Variants in UBE3C observed in about 807,000 individuals in gnomAD.
The protein encoded by UBE3C is ubiquitin protein ligase E3C.
Under a neutral mutation model 129.4 loss-of-function variants are expected in UBE3C, and 42 were observed. The ratio of observed to expected loss-of-function variants is 0.32; its 90% confidence interval spans 0.25 to 0.42. The LOEUF is 0.42. Ranked by LOEUF, UBE3C falls within the 10% of genes least tolerant of loss-of-function variation. The probability of loss-of-function intolerance (pLI) is 1.00; values close to 1 mark genes in which losing one functional copy is unlikely to be tolerated. For missense variants in UBE3C, 1,049 were observed against 1,319.1 expected, an observed-to-expected ratio of 0.80 and a Z score of 3.17; for synonymous variants, 510 against 492.4, an observed-to-expected ratio of 1.04 and a Z score of -0.47.
chr7:157,210,887 T>C (rs1809571040), intron 13 of UBE3C, among the ~76,000 whole-genome samples: 1 of 152,200 alleles, frequency 6.6e-6, no homozygotes, highest in African/African-American at 2.4e-5. Context: ...TTTAAGTGGA[T>C]AGAGTCATCT....
intron 1 of UBE3C, among the ~76,000 whole-genome samples, chr7:157,143,454 C>G (rs889794866): frequency 1.3e-5 from 2 of 152,178 alleles, no homozygotes; most frequent in Non-Finnish European, 2.9e-5. Context: ...AGTTGCTTGT[C>G]TTTCTCCAGG....
intron 13 of UBE3C, among the ~76,000 whole-genome samples, chr7:157,209,640 A>T (rs945039074): frequency 1.3e-5 from 2 of 152,216 alleles, no homozygotes; most frequent in Non-Finnish European, 1.5e-5. Flanking sequence ...CATGATGTGC[A>T]ATATCAGGTG....
intron 18 of UBE3C, among the ~76,000 whole-genome samples, chr7:157,246,232 A>G (rs1484977810): frequency 1.3e-5 from 2 of 150,600 alleles, no homozygotes; most frequent in South Asian, 4.2e-4. Flanking sequence ...TTTATAGACT[A>G]CACATACGAA....
At chr7:157,147,520 C>G (rs1159033164) in intron 1 of UBE3C, among the ~76,000 whole-genome samples, 1 of 151,326 alleles carries the variant, frequency 6.6e-6, no homozygotes, top group African/African-American at 2.4e-5. Flanking sequence ...CCTTTTTTTT[C>G]TTTTTTCTTT....
At chr7:157,231,496 T>G in intron 18 of UBE3C, 169 bp downstream of exon 18, 1 of 948,574 alleles carries the variant, frequency 1.1e-6, no homozygotes, top group Non-Finnish European at 1.5e-6. Context: ...TGTAAGTAGG[T>G]GCTATGGTTT....
Position 157,189,136 on chromosome 7 carries a change from CTCATGAAAGTGAACACTCGTGTCTGAATA to C in UBE3C, c.1331+2117_1331+2145del, listed in dbSNP as rs1161702485. ...GAAACTTGGAAGCATATACAAGAAA[CTCATGAAAGTGAACACTCGTGTCTGAATA>C]TGCCGAGGAAGCTGGGGCTGGAGCA... On this transcript the variant is annotated intron_variant, in intron 10 of 22. Coordinates refer to ENST00000348165, the MANE Select transcript of UBE3C (RefSeq NM_014671.3). 266 of 403,166 alleles carry C rather than the reference CTCATGAAAGTGAACACTCGTGTCTGAATA, an allele frequency of 6.6e-4. 2 individuals are homozygous for C. The highest frequency in any genetic ancestry group is 7.5e-5 in the Non-Finnish European group (17 of 227,362). The allele number at this position is 403,166 out of a possible 1,614,324, so 25.0% of individuals were successfully genotyped here.
chr7:157,208,891 G>A (rs1809513093), intron 13 of UBE3C, among the ~76,000 whole-genome samples: 1 of 152,236 alleles, frequency 6.6e-6, no homozygotes, highest in South Asian at 2.1e-4. Flanking sequence ...AGTGAGAGCA[G>A]AAGAAATGCA....
intron 3 of UBE3C, 43 bp downstream of exon 3, chr7:157,169,165 A>G (rs1808298302): frequency 1.1e-5 from 17 of 1,505,640 alleles, no homozygotes; most frequent in Non-Finnish European, 1.5e-5. Flanking sequence ...GGCATGGGAG[A>G]GCTTATTTTA....
chr7:157,154,652 C>G (rs1407672189), intron 1 of UBE3C, among the ~76,000 whole-genome samples: 5 of 152,076 alleles, frequency 3.3e-5, no homozygotes, highest in Non-Finnish European at 7.4e-5. Flanking sequence ...TAAAATAGTG[C>G]CTTATTTACC....
intron 14 of UBE3C, among the ~76,000 whole-genome samples, chr7:157,218,053 A>G (rs1795630942): frequency 6.6e-6 from 1 of 152,022 alleles, no homozygotes. Flanking sequence ...AGTGATGTTA[A>G]CAGAGGGACA....
chr7:157,236,788 G>A (rs559495509), intron 18 of UBE3C, among the ~76,000 whole-genome samples: 7 of 151,756 alleles, frequency 4.6e-5, no homozygotes, highest in Non-Finnish European at 1.0e-4. Flanking sequence ...CTGGAGTGCA[G>A]TGGTGCGATC....
intron 14 of UBE3C, among the ~76,000 whole-genome samples, chr7:157,220,194 G>A (rs1795699225): frequency 6.6e-6 from 1 of 152,092 alleles, no homozygotes; most frequent in African/African-American, 2.4e-5. Flanking sequence ...CTGGGTGACA[G>A]AGTGAGACCG....
At chr7:157,219,841 G>A (rs1050168120) in intron 14 of UBE3C, among the ~76,000 whole-genome samples, 6 of 151,854 alleles carry the variant, frequency 4.0e-5, no homozygotes, top group South Asian at 2.1e-4. Flanking sequence ...AGAGGTTGCA[G>A]TGAGCCAAGA....
chr7:157,162,683 G>T (rs1157011513), intron 1 of UBE3C, among the ~76,000 whole-genome samples: 1 of 151,918 alleles, frequency 6.6e-6, no homozygotes, highest in African/African-American at 2.4e-5. Context: ...GGGACTACGG[G>T]CACATACTGC....
chr7:157,175,158 T>TTTTTTTTTTTTTTTG (rs1586663618), intron 5 of UBE3C, 124 bp downstream of exon 5: 1 of 591,814 alleles, frequency 1.7e-6, no homozygotes, highest in Non-Finnish European at 2.6e-6. Context: ...TTTTTTTTTT[T>TTTTTTTTTTTTTTTG]GAGGTCATGG....
Position 157,242,326 on chromosome 7 carries a change from C to T in UBE3C, c.2482-6042C>T, listed in dbSNP as rs554021431. 1.7e-4 allele frequency among the ~76,000 whole-genome samples: 26 copies of T among 152,198 alleles called. No individual in the cohort carries two copies. In the East Asian group the frequency reaches 3.3e-3, roughly 19 times the overall value. On this transcript the variant is annotated intron_variant, in intron 18 of 22. Coordinates refer to ENST00000348165, the MANE Select transcript of UBE3C (RefSeq NM_014671.3). Reference sequence around the variant, plus strand: ...AGGGAAACATAGTACCTGATGGTAACGAAATCTGTTATCATCGAAGGCATC... The same window carrying T: ...AGGGAAACATAGTACCTGATGGTAATGAAATCTGTTATCATCGAAGGCATC...
At chr7:157,186,617 C>T (rs758325602) in intron 9 of UBE3C, among the ~76,000 whole-genome samples, 2 of 151,868 alleles carry the variant, frequency 1.3e-5, no homozygotes, top group Non-Finnish European at 2.9e-5. Flanking sequence ...AGGCAAAAAC[C>T]GGGTATTCAG....
chr7:157,205,920 A>G (rs1809420873), intron 11 of UBE3C, among the ~76,000 whole-genome samples: 1 of 152,210 alleles, frequency 6.6e-6, no homozygotes, highest in African/African-American at 2.4e-5. Flanking sequence ...GGCTCAGCCA[A>G]GCTCCTTACG....
chr7:157,186,763 A>T, intron 9 of UBE3C, 71 bp from the exon 10 acceptor site: 1 of 1,531,118 alleles, frequency 6.5e-7, no homozygotes, highest in Non-Finnish European at 8.9e-7. Flanking sequence ...GTGATTTCGT[A>T]TATGTTTGTA....
Sources: allele counts gnomAD v4.1 joint callset (sites outside exome capture counted in the v4.1 genomes callset), GRCh38; gene constraint gnomAD v4.1.1; transcripts MANE v1.5; gene names NCBI Gene and HGNC (gene_info 2026-07-23, HGNC 2026-07-21).